The following DNAH8 variants were observed in gnomAD, a reference collection of about 807,000 sequenced individuals.
The protein encoded by DNAH8 is dynein axonemal heavy chain 8, also known as axonemal beta dynein heavy chain 8.
In DNAH8, 382 loss-of-function variants were observed where a neutral mutation model predicts 562.1. The observed-to-expected ratio is 0.68, with a 90% confidence interval of 0.63 to 0.74. DNAH8 has a LOEUF of 0.74. Among genes scored for constraint, DNAH8 ranks in the 30% least tolerant of loss-of-function variants. The pLI, the probability that DNAH8 is intolerant of heterozygous loss-of-function variation, is 0.00. For synonymous variants in DNAH8, 1,881 were observed against 1,919.4 expected (o/e 0.98, Z 0.52); for missense variants, 5,203 against 5,620.4 (o/e 0.93, Z 2.37).
rs1182243968 is a variant in DNAH8 at position 38,715,917 on chromosome 6, AATAAATAAATATATATATATATATAT to A, written c.-35+506_-35+531del. Among the ~76,000 whole-genome samples the A allele has an allele frequency of 1.6e-4, 8 of 50,450 alleles. No individual in the cohort carries two copies. In the East Asian group the frequency reaches 3.2e-3, roughly 20 times the overall value. 33.1% of individuals were successfully genotyped at this position (50,450 alleles called of 152,430 possible). A position where few individuals can be genotyped will look rare whatever the true frequency, so the allele number is the denominator to read the frequency against. On this transcript the variant is annotated intron_variant, in intron 1 of 92. Coordinates refer to ENST00000327475, the MANE Select transcript of DNAH8 (RefSeq NM_001206927.2). ...GAAAAGCTATTAAAATAAATAAATA[AATAAATAAATATATATATATATATAT>A]ATATATATATATATATATTTTTTTT...
At chr6:38,847,185 G>C (rs925448127) in intron 36 of DNAH8, among the ~76,000 whole-genome samples, 1 of 152,106 alleles carries the variant, frequency 6.6e-6, no homozygotes, top group Non-Finnish European at 1.5e-5. Context: ...GGACTTCATG[G>C]GCCATGGTGG....
chr6:38,734,329 C>CCCA, intron 4 of DNAH8, 145 bp from the exon 5 acceptor site: 1 of 709,618 alleles, frequency 1.4e-6, no homozygotes, highest in Non-Finnish European at 2.0e-6. Context: ...CTAGTAGACC[C>CCCA]CCCCCCAAAA....
Position 38,828,210 on chromosome 6 carries a change from T to A in DNAH8, c.4110T>A (p.Phe1370Leu), listed in dbSNP as rs567364354. 2 of 1,595,370 alleles carry A rather than the reference T, an allele frequency of 1.3e-6. No homozygotes were observed. Among genetic ancestry groups the A allele is most frequent in the African/African-American group, 1.3e-5 (1 of 74,292 alleles). The change falls in exon 30 of 93, where the codon TTT becomes TTA. Residue 1370 changes from phenylalanine (F) to leucine (L), a missense_variant. Physicochemically the swap from Phe to Leu is conservative, Grantham distance 22. This residue lies in a region of DNAH8 where 2,176 missense variants were observed against 2,365.1 expected (regional missense o/e 0.92). Coordinates refer to ENST00000327475, the MANE Select transcript of DNAH8 (RefSeq NM_001206927.2). The stretch of plus-strand genomic sequence containing the variant: ...AAGCCTATGCTATTTTAAACAGATT[T>A]GAAGTTGAAGTAACCAAAGAAGAAT... The part of the protein sequence containing the change: ...IEEAYAILNR[F>L]EVEVTKEESE...
rs759318887 is a variant in DNAH8, at chr6:38,780,016, T to C, written c.2090T>C (p.Ile697Thr). 1.9e-6 allele frequency: 3 copies of C among 1,614,094 alleles called. No individual in the cohort carries two copies. Among genetic ancestry groups the C allele is most frequent in the Non-Finnish European group, 2.5e-6 (3 of 1,179,988 alleles). ...CTGGGATTAGAAATAAACCACACAATAGAGCGTATTCTTCAGTACTATGTG... is the reference window on the plus strand; with the variant it reads ...CTGGGATTAGAAATAAACCACACAACAGAGCGTATTCTTCAGTACTATGTG... ...PCLGLEINHTIERILQYYVAE... is the reference protein window; with the variant it reads ...PCLGLEINHTTERILQYYVAE... Residue 697 changes from isoleucine (I) to threonine (T), a missense_variant, in exon 15 of 93, where the codon ATA becomes ACA. Coordinates refer to ENST00000327475, the MANE Select transcript of DNAH8 (RefSeq NM_001206927.2).
chr6:38,892,283 G>C (rs1299301606), intron 58 of DNAH8, among the ~76,000 whole-genome samples: 1 of 152,030 alleles, frequency 6.6e-6, no homozygotes, highest in Non-Finnish European at 1.5e-5. Context: ...TCCATCCCAG[G>C]CCTCTCTACC....
chr6:38,935,027 T>C lies in DNAH8; in HGVS notation c.11458-565T>C, dbSNP rs188812871. 1.5e-3 allele frequency among the ~76,000 whole-genome samples: 221 copies of C among 152,296 alleles called. 1 individual carries two copies. Among genetic ancestry groups the C allele is most frequent in the African/African-American group, 5.1e-3 (212 of 41,570 alleles). ...TCATTTTATGTAAGAAGAAAAAAAC[T>C]CCTGTAAACATTCAAGTTTGCCCTC... is the stretch of plus-strand genomic sequence containing the variant. On this transcript the variant is annotated intron_variant, in intron 76 of 92. Transcript: ENST00000327475.
chr6:38,999,399 T>C (rs1765336253), intron 88 of DNAH8, among the ~76,000 whole-genome samples: 1 of 146,914 alleles, frequency 6.8e-6, no homozygotes, highest in Non-Finnish European at 1.5e-5. Context: ...ATATGGGGGC[T>C]GTTTTTTTTT....
Position 38,883,954 on chromosome 6 carries a change from A to G in DNAH8, c.8215A>G (p.Ile2739Val), listed in dbSNP as rs1408510896. The G allele has an allele frequency of 6.3e-7, 1 of 1,587,216 alleles. No individual in the cohort carries two copies. Among genetic ancestry groups the G allele is most frequent in the Non-Finnish European group, 8.6e-7 (1 of 1,165,128 alleles). The change falls in exon 56 of 93, where the codon ATT becomes GTT. Residue 2739 changes from isoleucine to valine, a missense_variant. By Grantham distance (29) the Ile-to-Val change is conservative. Transcript: ENST00000327475. The part of the protein sequence containing the change: ...PPGGRKMTVF[I>V]DDINMPVINE... The stretch of plus-strand genomic sequence containing the variant: ...AGGAGGGAGAAAAATGACTGTATTT[A>G]TTGATGATATTAATATGCCTGTGAT...
chr6:38,977,452 C>T (rs990641486), intron 85 of DNAH8, among the ~76,000 whole-genome samples: 2 of 152,064 alleles, frequency 1.3e-5, no homozygotes, highest in Non-Finnish European at 2.9e-5. Context: ...GCCTTTTATT[C>T]CCAGGACCCT....
chr6:38,836,019 G>C (rs768761894), intron 32 of DNAH8, among the ~76,000 whole-genome samples: 1 of 152,068 alleles, frequency 6.6e-6, no homozygotes, highest in African/African-American at 2.4e-5. Flanking sequence ...GAAGAAAATT[G>C]GATGGATCAT....
Position 38,887,398 on chromosome 6 carries a change from G to A in DNAH8, c.8473+394G>A, listed in dbSNP as rs571191349. Among the ~76,000 whole-genome samples the A allele has an allele frequency of 5.7e-4, 86 of 152,212 alleles. 1 individual carries two copies. The highest frequency in any genetic ancestry group is 1.8e-3 in the African/African-American group (75 of 41,512). On this transcript the variant is annotated intron_variant, in intron 57 of 92. Transcript: ENST00000327475. ...GATTCTTGACATCAAATGTAACATC[G>A]AATCACATAAATTATGCCATCAAAA...
At chr6:38,957,866 C>CAAAAAAAAAAAA (rs1209427701) in intron 82 of DNAH8, among the ~76,000 whole-genome samples, 11 of 75,894 alleles carry the variant, frequency 1.4e-4, no homozygotes, top group East Asian at 8.5e-4. Context: ...ATGCCTACAC[C>CAAAAAAAAAAAA]AAAAAAAAAA....
intron 43 of DNAH8, 131 bp from the exon 44 acceptor site, chr6:38,862,149 C>A: frequency 1.4e-6 from 1 of 710,434 alleles, no homozygotes; most frequent in Non-Finnish European, 2.3e-6. Context: ...CTTGTTTGTT[C>A]ACTTCTTTTA....
At position 38,926,210 on chromosome 6, in the gene DNAH8, G is replaced by A; in HGVS notation, c.11118G>A (p.Gln3706=). Residue 3706 remains glutamine, a splice_region_variant and synonymous_variant, in exon 74 of 93, where the codon CAG becomes CAA. Transcript: ENST00000327475. The part of the protein sequence containing the change: ...IKSKEKENDL[Q]VTSLNHKYFR... Reference sequence around the variant, plus strand: ...CAAAGGAAAAAGAAAATGATTTACAGGTATGTAGCATTTGGTGCAGGGGAA... The same window carrying A: ...CAAAGGAAAAAGAAAATGATTTACAAGTATGTAGCATTTGGTGCAGGGGAA... 2 of 1,612,728 alleles carry A rather than the reference G, an allele frequency of 1.2e-6. No homozygotes were observed. Among genetic ancestry groups the A allele is most frequent in the Non-Finnish European group, 1.7e-6 (2 of 1,179,368 alleles).
At chr6:38,724,341 A>G (rs529372923) in intron 3 of DNAH8, among the ~76,000 whole-genome samples, 1 of 152,314 alleles carries the variant, frequency 6.6e-6, no homozygotes, top group East Asian at 1.9e-4. Flanking sequence ...AAAGTTAGCA[A>G]CTAGAATTTT....
intron 82 of DNAH8, among the ~76,000 whole-genome samples, chr6:38,957,248 C>A (rs1394039921): frequency 6.6e-6 from 1 of 150,548 alleles, no homozygotes; most frequent in East Asian, 1.9e-4. Flanking sequence ...ACACAATGCA[C>A]CCAACATCAG....
chr6:38,988,622 T>C (rs1262632030), intron 87 of DNAH8, among the ~76,000 whole-genome samples: 2 of 152,230 alleles, frequency 1.3e-5, no homozygotes, highest in African/African-American at 2.4e-5. Context: ...ATCCATGATA[T>C]GACCTCACCT....
intron 83 of DNAH8, chr6:38,971,897 A>C (rs912345879): frequency 2.8e-6 from 1 of 351,850 alleles, no homozygotes; most frequent in Non-Finnish European, 5.1e-6. Flanking sequence ...TGTTCGTTTT[A>C]TGATTTGGGA....
intron 67 of DNAH8, among the ~76,000 whole-genome samples, chr6:38,914,163 T>C (rs1781115922): frequency 6.6e-6 from 1 of 152,134 alleles, no homozygotes; most frequent in Non-Finnish European, 1.5e-5. Context: ...AGACTATTAT[T>C]TCTTCTCTCA....
Sources: allele counts gnomAD v4.1 joint callset (sites outside exome capture counted in the v4.1 genomes callset), GRCh38; gene constraint gnomAD v4.1.1; regional missense constraint gnomAD v4.1.1; transcripts MANE v1.5; gene names NCBI Gene and HGNC (gene_info 2026-07-23, HGNC 2026-07-21).